The following DLGAP2 variants were observed in gnomAD, a reference collection of about 807,000 sequenced individuals.
DLGAP2 encodes DLG associated protein 2, also known as disks large-associated protein 2.
Under a neutral mutation model 100.3 loss-of-function variants are expected in DLGAP2, and 26 were observed. That is an observed-to-expected ratio of 0.26 (90% CI 0.19 to 0.36). The LOEUF (loss-of-function observed/expected upper bound fraction) is 0.36. Among genes scored for constraint, DLGAP2 ranks in the 10% least tolerant of loss-of-function variants. DLGAP2 has a pLI of 1.00. For synonymous variants in DLGAP2, 886 were observed against 630.1 expected (o/e 1.41, Z -6.08); for missense variants, 1,858 against 1,453.2 (o/e 1.28, Z -4.53).
chr8:1,233,750 T>G (rs1290853226), intron 2 of DLGAP2, among the ~76,000 whole-genome samples: 1 of 152,210 alleles, frequency 6.6e-6, no homozygotes, highest in Non-Finnish European at 1.5e-5. Context: ...TGTAAGTATT[T>G]AGGACATCAG....
intron 6 of DLGAP2, chr8:1,620,017 T>C (rs1221063166): frequency 6.6e-6 from 1 of 152,148 alleles, no homozygotes; most frequent in Non-Finnish European, 1.5e-5. Flanking sequence ...ATTTTCACCT[T>C]CTAAAAATAA....
intron 2 of DLGAP2, among the ~76,000 whole-genome samples, chr8:920,538 T>C (rs1315419996): frequency 6.6e-6 from 1 of 152,170 alleles, no homozygotes; most frequent in East Asian, 1.9e-4. Context: ...AGTGGATTGC[T>C]TGAGCTCAGG....
In DLGAP2 at chr8:900,206, G is replaced by A. The variant is rs529845317; in HGVS notation, c.19-7706G>A. Reference sequence around the variant, plus strand: ...TGGGTGCCCTCCTCTTCACGGGGTCGCTCCCGGGCGGACGGTGGGCGCCCT... The same window carrying A: ...TGGGTGCCCTCCTCTTCACGGGGTCACTCCCGGGCGGACGGTGGGCGCCCT... On this transcript the variant is annotated intron_variant, in intron 1 of 14. Coordinates refer to ENST00000637795, the MANE Select transcript of DLGAP2 (RefSeq NM_001346810.2). Among the ~76,000 whole-genome samples, 77 of 150,882 alleles carry A rather than the reference G, an allele frequency of 5.1e-4. No homozygotes were observed. In the South Asian group the frequency reaches 0.011, roughly 22 times the overall value.
At chr8:1,408,022 G>T (rs1408964392) in intron 3 of DLGAP2, among the ~76,000 whole-genome samples, 2 of 152,222 alleles carry the variant, frequency 1.3e-5, no homozygotes, top group African/African-American at 4.8e-5. Context: ...CTCAGCACTG[G>T]ATGCCAGTCA....
intron 2 of DLGAP2, among the ~76,000 whole-genome samples, chr8:1,074,726 C>T (rs1448719496): frequency 6.6e-6 from 1 of 152,222 alleles, no homozygotes; most frequent in South Asian, 2.1e-4. Flanking sequence ...CTCGTCTTTC[C>T]AGTGACCAGG....
intron 2 of DLGAP2, among the ~76,000 whole-genome samples, chr8:1,083,807 T>G (rs1031705910): frequency 1.3e-5 from 2 of 152,116 alleles, no homozygotes; most frequent in African/African-American, 4.8e-5. Context: ...GAATGTACCT[T>G]AATGAAAAAA....
intron 2 of DLGAP2, among the ~76,000 whole-genome samples, chr8:1,091,200 T>C (rs903003237): frequency 1.3e-5 from 2 of 152,290 alleles, no homozygotes; most frequent in South Asian, 2.1e-4. Context: ...TAAACGTCAC[T>C]TCGTGAAGTA....
At chr8:1,317,857 G>A (rs116656288) in intron 3 of DLGAP2, among the ~76,000 whole-genome samples, 6,924 of 116,838 alleles carry the variant, frequency 0.059, no homozygotes, top group East Asian at 0.17. Flanking sequence ...GAGACACTCA[G>A]CAGCTTTTAA....
At chr8:1,480,272 A>C (rs1036175985) in intron 3 of DLGAP2, among the ~76,000 whole-genome samples, 1 of 152,068 alleles carries the variant, frequency 6.6e-6, no homozygotes, top group Admixed American at 6.5e-5. Context: ...GTCTCTTTGG[A>C]GTCCACATGT....
At chr8:1,078,493 T>C (rs1803696860) in intron 2 of DLGAP2, among the ~76,000 whole-genome samples, 2 of 152,188 alleles carry the variant, frequency 1.3e-5, no homozygotes, top group Non-Finnish European at 2.9e-5. Flanking sequence ...TGGAATGGCG[T>C]ATGCCCACCC....
rs371910291 is a variant in DLGAP2, at chr8:1,064,381, C to G, written c.73+156415C>G. 5.8e-4 allele frequency among the ~76,000 whole-genome samples: 88 copies of G among 152,316 alleles called. 1 individual carries two copies. Among genetic ancestry groups the G allele is most frequent in the African/African-American group, 1.9e-3 (80 of 41,570 alleles). Reference sequence around the variant, plus strand: ...AATATGTCAGGCAACCTGTTTCATACAACCAAACCAGGGTGCTGTTTGGGG... The same window carrying G: ...AATATGTCAGGCAACCTGTTTCATAGAACCAAACCAGGGTGCTGTTTGGGG... On this transcript the variant is annotated intron_variant, in intron 2 of 14. Coordinates refer to ENST00000637795, the MANE Select transcript of DLGAP2 (RefSeq NM_001346810.2).
At chr8:1,326,095 TC>T (rs1424486914) in intron 3 of DLGAP2, among the ~76,000 whole-genome samples, 1 of 152,218 alleles carries the variant, frequency 6.6e-6, no homozygotes, top group Non-Finnish European at 1.5e-5. Context: ...ACAGCTTTTT[TC>T]TTCTTCGATG....
chr8:847,491 T>G (rs1450299411), intron 1 of DLGAP2, among the ~76,000 whole-genome samples: 2 of 152,092 alleles, frequency 1.3e-5, no homozygotes, highest in African/African-American at 4.8e-5. Flanking sequence ...TTATCTTGAT[T>G]GTGTACTTTT....
At chr8:1,178,238 G>T (rs911185390) in intron 2 of DLGAP2, among the ~76,000 whole-genome samples, 4 of 152,220 alleles carry the variant, frequency 2.6e-5, no homozygotes, top group African/African-American at 9.6e-5. Context: ...ATGATTTATG[G>T]AGTTACCACG....
chr8:805,687 G>A (rs1235336120), intron 1 of DLGAP2, among the ~76,000 whole-genome samples: 1 of 152,064 alleles, frequency 6.6e-6, no homozygotes, highest in African/African-American at 2.4e-5. Context: ...GGCTCACTCC[G>A]CCTCCCAGGC....
chr8:765,189 T>C (rs1264254961), intron 1 of DLGAP2, among the ~76,000 whole-genome samples: 1 of 152,234 alleles, frequency 6.6e-6, no homozygotes, highest in Non-Finnish European at 1.5e-5. Flanking sequence ...ATTGGAGTTT[T>C]TCCATATGAG....
chr8:1,379,236 C>T (rs1796034171), intron 3 of DLGAP2, among the ~76,000 whole-genome samples: 1 of 152,258 alleles, frequency 6.6e-6, no homozygotes, highest in Admixed American at 6.5e-5. Context: ...TAGCTCACGT[C>T]CATGCAGTGC....
intron 1 of DLGAP2, among the ~76,000 whole-genome samples, chr8:842,319 G>GA (rs1157940991): frequency 2.0e-5 from 3 of 152,166 alleles, no homozygotes; most frequent in Non-Finnish European, 4.4e-5. Context: ...TGAAGACCAG[G>GA]TTTGCTGCGT....
chr8:1,325,720 T>C (rs1184570666), intron 3 of DLGAP2, among the ~76,000 whole-genome samples: 1 of 152,218 alleles, frequency 6.6e-6, no homozygotes, highest in African/African-American at 2.4e-5. Flanking sequence ...AAAGCAACTT[T>C]GGTACCGCTT....
Sources: gnomAD v4.1 joint callset for allele counts (sites outside exome capture counted in the v4.1 genomes callset) on GRCh38, gnomAD v4.1.1 for gene constraint, MANE v1.5 for transcripts, NCBI Gene and HGNC (gene_info 2026-07-23, HGNC 2026-07-21) for gene names.